The following FN3K variants were observed in gnomAD, a reference collection of about 807,000 sequenced individuals.
FN3K encodes fructosamine 3 kinase.
A neutral mutation model predicts 24.8 loss-of-function variants in FN3K; 24 were observed. The ratio of observed to expected loss-of-function variants is 0.97; its 90% CI spans 0.70 to 1.36. The LOEUF (loss-of-function observed/expected upper bound fraction) is 1.36. Among genes scored for constraint, FN3K ranks in the 40% most tolerant of loss-of-function variants. The pLI is 0.00. For missense variants in FN3K, 449 were observed against 416.7 expected (o/e 1.08, Z -0.67); for synonymous variants, 192 against 175.2 (o/e 1.10, Z -0.76).
chr17:82,749,408 T>A lies in FN3K; in HGVS notation c.591+431T>A, dbSNP rs2046988090. 1.6e-5 allele frequency: 5 copies of A among 317,428 alleles called. No individual in the cohort carries two copies. The East Asian group carries it at 3.3e-4, about 21-fold the overall frequency. 19.7% of individuals were successfully genotyped at this position (317,428 alleles called of 1,614,324 possible). A position where few individuals can be genotyped will look rare whatever the true frequency, so the allele number is the denominator to read the frequency against. Reference sequence around the variant, plus strand: ...GGCCGGGCACAGTGGTTCACGCCTGTAATCGCAGCATTTGGGAGGCCTAGG... The same window carrying A: ...GGCCGGGCACAGTGGTTCACGCCTGAAATCGCAGCATTTGGGAGGCCTAGG... On this transcript the variant is annotated intron_variant, in intron 5 of 5. Transcript: ENST00000300784.
intron 1 of FN3K, among the ~76,000 whole-genome samples, chr17:82,737,367 T>A (rs2046908355): frequency 6.6e-6 from 1 of 152,076 alleles, no homozygotes; most frequent in Non-Finnish European, 1.5e-5. Context: ...AGACGGACTC[T>A]TGCTCTGTCG....
chr17:82,740,929 T>G lies in FN3K; in HGVS notation c.385+75T>G, dbSNP rs570335020. On this transcript the variant is annotated intron_variant, in intron 3 of 5. Transcript: ENST00000300784. ...CCTAGATGGGTGCTCATGGTACTTC[T>G]TGGTGGCATTTCAATAATAGGTTGA... 8 of 961,392 alleles carry G rather than the reference T, an allele frequency of 8.3e-6. No individual in the cohort carries two copies. In the African/African-American group the frequency reaches 1.1e-4, roughly 13 times the overall value. The allele number at this position is 961,392 out of a possible 1,614,324, so 59.6% of individuals were successfully genotyped here.
intron 2 of FN3K, among the ~76,000 whole-genome samples, chr17:82,738,946 ATTT>A (rs539276396): frequency 1.2e-3 from 102 of 86,066 alleles, no homozygotes; most frequent in Middle Eastern, 6.2e-3. Context: ...ATATATATAT[ATTT>A]TTTTTTTTTT....
chr17:82,741,207 A>G (rs1210839316), intron 3 of FN3K, 104 bp from the exon 4 acceptor site: 1 of 996,922 alleles, frequency 1.0e-6, no homozygotes, highest in South Asian at 1.4e-5. Context: ...CAGACCACCT[A>G]TATTCTAGCA....
chr17:82,741,273 A>C (rs775680229), intron 3 of FN3K, 38 bp from the exon 4 acceptor site: 7 of 1,592,194 alleles, frequency 4.4e-6, no homozygotes, highest in Non-Finnish European at 4.3e-6. Context: ...TAAGAGAAAG[A>C]CAAACAGCTC....
intron 4 of FN3K, among the ~76,000 whole-genome samples, chr17:82,747,797 A>G (rs960107504): frequency 1.3e-5 from 2 of 152,302 alleles, no homozygotes; most frequent in South Asian, 2.1e-4. Flanking sequence ...ATCCTACTCT[A>G]TTCCTCTTCT....
At position 82,748,894 on chromosome 17, in the gene FN3K, C is replaced by T. The variant is rs76121523; in HGVS notation, c.508C>T (p.Arg170Trp). Residue 170 changes from arginine to tryptophan, a missense_variant, in exon 5 of 6, where the codon CGG becomes TGG. Physicochemically the swap from Arg to Trp is moderately radical, Grantham distance 101. Coordinates refer to ENST00000300784, the MANE Select transcript of FN3K (RefSeq NM_022158.4). Reference sequence around the variant, plus strand: ...GGATGACTGGCCGACCTTTTTCGCCCGGCACCGGCTCCAGGCGCAGCTGGA... The same window carrying T: ...GGATGACTGGCCGACCTTTTTCGCCTGGCACCGGCTCCAGGCGCAGCTGGA... ...WQDDWPTFFA[R>W]HRLQAQLDLI... 52 of 1,613,790 alleles carry T rather than the reference C, an allele frequency of 3.2e-5. No individual in the cohort carries two copies. The highest frequency in any genetic ancestry group is 4.5e-5 in the East Asian group (2 of 44,890).
chr17:82,741,394 G>T lies in FN3K; in HGVS notation c.468+1G>T. 1 of 1,612,726 alleles carries T rather than the reference G, an allele frequency of 6.2e-7. No homozygotes were observed. The highest frequency in any genetic ancestry group is 1.1e-5 in the South Asian group (1 of 90,740). On this transcript the variant is annotated splice_donor_variant, in intron 4 of 5. Coordinates refer to ENST00000300784, the MANE Select transcript of FN3K (RefSeq NM_022158.4). LOFTEE classifies it high-confidence loss of function. Reference sequence around the variant, plus strand: ...GACGTGCTGCGGCTTCATCCCGCAGGTGAGTGCCTGGGTGAGGGTGTTCCC... The same window carrying T: ...GACGTGCTGCGGCTTCATCCCGCAGTTGAGTGCCTGGGTGAGGGTGTTCCC...
chr17:82,738,606 G>C lies in FN3K; in HGVS notation c.259G>C (p.Val87Leu). ...IDLPGGGAAF[V>L]MEHLKMKSLS... ...CCTGCCGGGAGGTGGGGCCGCCTTT[G>C]TGATGGAGCATTTGAAGATGAAGAG... is the stretch of plus-strand genomic sequence containing the variant. Residue 87 changes from valine to leucine, a missense_variant, in exon 2 of 6, where the codon GTG becomes CTG. Coordinates refer to ENST00000300784, the MANE Select transcript of FN3K (RefSeq NM_022158.4). 6.2e-7 allele frequency: 1 copy of C among 1,614,142 alleles called. No individual in the cohort carries two copies. The highest frequency in any genetic ancestry group is 8.5e-7 in the Non-Finnish European group (1 of 1,180,014).
intron 1 of FN3K, 49 bp downstream of exon 1, chr17:82,735,826 G>A (rs770271367): frequency 6.5e-7 from 1 of 1,530,538 alleles, no homozygotes; most frequent in Admixed American, 2.0e-5. Context: ...TGCGGGGCCT[G>A]GGAAGGCGGA....
At chr17:82,750,330 G>A in intron 5 of FN3K, 87 bp from the exon 6 acceptor site, 1 of 1,205,950 alleles carries the variant, frequency 8.3e-7, no homozygotes, top group Non-Finnish European at 1.2e-6. Context: ...AGCAGATCGC[G>A]AGTGGGCTTT....
intron 4 of FN3K, chr17:82,745,123 G>C (rs879439282): frequency 1.3e-5 from 2 of 156,420 alleles, no homozygotes; most frequent in African/African-American, 4.8e-5. Flanking sequence ...CTTCCTACGA[G>C]GCCATATTTC....
At position 82,748,860 on chromosome 17, in the gene FN3K, T is replaced by A. The variant is rs561254330; in HGVS notation, c.474T>A (p.Asn158Lys). The change falls in exon 5 of 6, where the codon AAT becomes AAA. Residue 158 changes from asparagine to lysine, a missense_variant. By Grantham distance (94) the Asn-to-Lys change is moderately conservative (BLOSUM62 0). Coordinates refer to ENST00000300784, the MANE Select transcript of FN3K (RefSeq NM_022158.4). ...TCTTTTCCCTTGTTGTCCAGGTGAATGAGTGGCAGGATGACTGGCCGACCT... is the reference window on the plus strand; with the variant it reads ...TCTTTTCCCTTGTTGTCCAGGTGAAAGAGTGGCAGGATGACTGGCCGACCT... The part of the protein sequence containing the change: ...VTCCGFIPQV[N>K]EWQDDWPTFF... The A allele has an allele frequency of 2.5e-6, 4 of 1,612,246 alleles. No homozygotes were observed. In the South Asian group the frequency reaches 4.4e-5, roughly 18 times the overall value.
intron 5 of FN3K, 135 bp from the exon 6 acceptor site, chr17:82,750,282 T>G: frequency 1.3e-6 from 1 of 786,284 alleles, no homozygotes; most frequent in Non-Finnish European, 2.2e-6. Context: ...TGGCCCCTAT[T>G]TCTGGGCTTG....
chr17:82,738,789 G>A (rs905788144), intron 2 of FN3K, 149 bp downstream of exon 2: 40 of 938,902 alleles, frequency 4.3e-5, no homozygotes, highest in Admixed American at 2.1e-4. Context: ...ACAACTGCCC[G>A]GTTATCAGAG....
chr17:82,750,022 C>T, intron 5 of FN3K: 1 of 258,094 alleles, frequency 3.9e-6, no homozygotes, highest in South Asian at 4.2e-5. Flanking sequence ...GGCGCCACTG[C>T]ACTCCAGCCT....
chr17:82,738,763 T>G, intron 2 of FN3K, 123 bp downstream of exon 2: 1 of 1,277,016 alleles, frequency 7.8e-7, no homozygotes, highest in South Asian at 1.2e-5. Context: ...GAGAAGCCTG[T>G]GGCTGAGCCG....
In FN3K at chr17:82,738,551, G is replaced by T. The variant is rs1444395124; in HGVS notation, c.204G>T (p.Val68=). 1 of 1,612,950 alleles carries T rather than the reference G, an allele frequency of 6.2e-7. No homozygotes were observed. The highest frequency in any genetic ancestry group is 2.2e-5 in the East Asian group (1 of 44,880). ...AGGCCCTCAGGAGCACGGGCCTGGT[G>T]CGGGTGCCGAGGCCCATGAAGGTCA... ...SLEALRSTGL[V]RVPRPMKVID... The change falls in exon 2 of 6, where the codon GTG becomes GTT. Residue 68 remains valine (V), a synonymous_variant. Coordinates refer to ENST00000300784, the MANE Select transcript of FN3K (RefSeq NM_022158.4).
chr17:82,743,376 G>A (rs2046951220), intron 4 of FN3K, among the ~76,000 whole-genome samples: 1 of 152,222 alleles, frequency 6.6e-6, no homozygotes, highest in East Asian at 1.9e-4. Flanking sequence ...CAGATCAGGT[G>A]CAGCCTGGCT....
Sources: allele counts gnomAD v4.1 joint callset (sites outside exome capture counted in the v4.1 genomes callset), GRCh38; gene constraint gnomAD v4.1.1; transcripts MANE v1.5; gene names NCBI Gene and HGNC (gene_info 2026-07-23, HGNC 2026-07-21).